GPR155: variants seen among roughly 807,000 people sequenced by gnomAD.
The protein encoded by GPR155 is lysosomal cholesterol signaling protein.
A neutral mutation model predicts 93.1 loss-of-function variants in GPR155; 65 were observed. The ratio of observed to expected loss-of-function variants is 0.70; its 90% CI spans 0.57 to 0.86. The LOEUF is 0.86. Among genes scored for constraint, GPR155 ranks in the 40% least tolerant of loss-of-function variants. GPR155 has a pLI of 0.00. For synonymous variants in GPR155, 319 were observed against 360.1 expected, an observed-to-expected ratio of 0.89 and a Z score of 1.29; for missense variants, 838 against 1,034.8, an observed-to-expected ratio of 0.81 and a Z score of 2.61.
At chr2:174,447,797 G>C (rs976169711) in intron 11 of GPR155, among the ~76,000 whole-genome samples, 1 of 147,736 alleles carries the variant, frequency 6.8e-6, no homozygotes, top group East Asian at 1.9e-4. Context: ...GACTACTAGA[G>C]GTGAGGAGGG....
rs59055819 is a variant in GPR155, at chr2:174,435,461, A to T, written c.*655T>A. ...ATGCAAATACTACACCATTTTATTA[A>T]TTATTTTATTTTATTTTATTTTATT... On this transcript the variant is annotated 3_prime_UTR_variant, in exon 16 of 16. Transcript: ENST00000392552. 6 of 148,416 alleles carry T rather than the reference A, an allele frequency of 4.0e-5. No homozygotes were observed. Among genetic ancestry groups the T allele is most frequent in the African/African-American group, 1.5e-4 (6 of 40,194 alleles). 9.2% of individuals were successfully genotyped at this position (148,416 alleles called of 1,614,324 possible).
rs1686767552 is a variant in GPR155, at chr2:174,436,030, T to C, written c.*86A>G. ...AACTGAGGCTCAGAGAGGTTGCCTC[T>C]GTTAACTTGCCCAAGGTCACCCAGC... On this transcript the variant is annotated 3_prime_UTR_variant, in exon 16 of 16. Transcript: ENST00000392552. 2 of 1,112,132 alleles carry C rather than the reference T, an allele frequency of 1.8e-6. No individual in the cohort carries two copies. The highest frequency in any genetic ancestry group is 4.0e-5 in the Admixed American group (2 of 49,434). 68.9% of individuals were successfully genotyped at this position (1,112,132 alleles called of 1,614,324 possible). A position where few individuals can be genotyped will look rare whatever the true frequency, so the allele number is the denominator to read the frequency against.
intron 11 of GPR155, among the ~76,000 whole-genome samples, chr2:174,447,205 C>T (rs112064166): frequency 2.6e-5 from 4 of 151,116 alleles, no homozygotes; most frequent in African/African-American, 7.3e-5. Context: ...GGTGTGGTGG[C>T]GGGCACCCGT....
Position 174,486,493 on chromosome 2 carries a change from C to A in GPR155, c.-32+380G>T, listed in dbSNP as rs376665134. 3.3e-5 allele frequency among the ~76,000 whole-genome samples: 5 copies of A among 152,308 alleles called. 1 individual carries two copies. The highest frequency in any genetic ancestry group is 1.2e-4 in the African/African-American group (5 of 41,570). The stretch of plus-strand genomic sequence containing the variant: ...AACGGGTAAGGGAGAAAATTTGGCG[C>A]AGTGCTCCAGGTGCCTGGGCAGAAG... On this transcript the variant is annotated intron_variant, in intron 1 of 15. Transcript: ENST00000392552.
chr2:174,486,519 C>A (rs997391601), intron 1 of GPR155, among the ~76,000 whole-genome samples: 17 of 152,188 alleles, frequency 1.1e-4, no homozygotes, highest in Admixed American at 2.0e-4. Context: ...TGGGCAGAAG[C>A]CTTCGGAAGG....
intron 1 of GPR155, among the ~76,000 whole-genome samples, chr2:174,482,365 G>T (rs1688351180): frequency 6.6e-6 from 1 of 152,052 alleles, no homozygotes. Context: ...GGTGGATAAG[G>T]GCATCGGGCA....
chr2:174,438,958 C>G (rs1686872909), intron 15 of GPR155, among the ~76,000 whole-genome samples: 1 of 152,192 alleles, frequency 6.6e-6, no homozygotes, highest in Non-Finnish European at 1.5e-5. Flanking sequence ...TCTAATTCAA[C>G]AATCCCAAGA....
At chr2:174,482,098 C>G in intron 1 of GPR155, 111 bp from the exon 2 acceptor site, 1 of 608,172 alleles carries the variant, frequency 1.6e-6, no homozygotes. Flanking sequence ...AATAAATATA[C>G]ATACCCCTAG....
intron 14 of GPR155, among the ~76,000 whole-genome samples, chr2:174,440,379 A>G (rs769996488): frequency 3.9e-5 from 6 of 152,208 alleles, no homozygotes; most frequent in Non-Finnish European, 5.9e-5. Context: ...GCAAAGATAA[A>G]TTAGAGATCA....
intron 15 of GPR155, among the ~76,000 whole-genome samples, chr2:174,437,010 G>A (rs1686805821): frequency 6.6e-6 from 1 of 152,204 alleles, no homozygotes; most frequent in Non-Finnish European, 1.5e-5. Context: ...AGCAAGGAAA[G>A]AATAAGTGAG....
chr2:174,441,847 A>G lies in GPR155; in HGVS notation c.2174+272T>C, dbSNP rs185881248. 3.1e-3 allele frequency among the ~76,000 whole-genome samples: 473 copies of G among 152,010 alleles called. 5 individuals are homozygous for G. The highest frequency in any genetic ancestry group is 0.011 in the African/African-American group (446 of 41,452). ...AACCTCTGCCTCCCAGGTTCAAGCC[A>G]TCCTCCTGCCTCAACCTCCTGAGTA... On this transcript the variant is annotated intron_variant, in intron 14 of 15. Coordinates refer to ENST00000392552, the MANE Select transcript of GPR155 (RefSeq NM_152529.7).
At chr2:174,448,523 GTTTTTTGTTTTTTTTTT>G (rs1687214915) in intron 11 of GPR155, among the ~76,000 whole-genome samples, 4 of 102,960 alleles carry the variant, frequency 3.9e-5, no homozygotes, top group African/African-American at 1.0e-4. Flanking sequence ...TTTGTTTTTT[GTTTTTTGTTTTTTTTTT>G]TTTTTTTTGA....
chr2:174,468,841 C>T, intron 5 of GPR155, 71 bp downstream of exon 5: 6 of 1,234,996 alleles, frequency 4.9e-6, no homozygotes, highest in East Asian at 2.4e-5. Context: ...TTTTTAAATC[C>T]CTTCTGTTAA....
At chr2:174,456,242 G>A (rs954947956) in intron 10 of GPR155, among the ~76,000 whole-genome samples, 2 of 151,976 alleles carry the variant, frequency 1.3e-5, no homozygotes, top group African/African-American at 4.8e-5. Flanking sequence ...AGTACAAAGG[G>A]TTCACATTAA....
intron 2 of GPR155, among the ~76,000 whole-genome samples, chr2:174,477,962 G>T (rs571142976): frequency 1.3e-5 from 2 of 152,194 alleles, no homozygotes; most frequent in South Asian, 4.1e-4. Flanking sequence ...TTATGTAATG[G>T]CATATAGTTA....
chr2:174,460,626 T>C (rs1198931209), intron 9 of GPR155, among the ~76,000 whole-genome samples: 1 of 152,194 alleles, frequency 6.6e-6, no homozygotes, highest in African/African-American at 2.4e-5. Context: ...CTTTCATGTA[T>C]AACAATTGGT....
Position 174,481,791 on chromosome 2 carries a change from C to A in GPR155, c.166G>T (p.Gly56Cys). 1 of 1,614,196 alleles carries A rather than the reference C, an allele frequency of 6.2e-7. No individual in the cohort carries two copies. The highest frequency in any genetic ancestry group is 8.5e-7 in the Non-Finnish European group (1 of 1,180,032). The change falls in exon 2 of 16, where the codon GGC becomes TGC. Residue 56 changes from glycine to cysteine, a missense_variant. By Grantham distance (159) the Gly-to-Cys change is radical. Transcript: ENST00000392552. ...LLECFGIVLC[G>C]YIAGRANVIT... ...ACATTGGCCCTTCCTGCTATGTAGCCACAAAGGACAATGCCAAAGCATTCC... is the reference window on the plus strand; with the variant it reads ...ACATTGGCCCTTCCTGCTATGTAGCAACAAAGGACAATGCCAAAGCATTCC...
chr2:174,486,609 C>T (rs2105748643), intron 1 of GPR155, among the ~76,000 whole-genome samples: 1 of 152,334 alleles, frequency 6.6e-6, no homozygotes, highest in East Asian at 1.9e-4. Context: ...TGAGGAGCTT[C>T]CCAAACTAGG....
Position 174,442,099 on chromosome 2 carries a change from T to C in GPR155, c.2174+20A>G. 8.7e-7 allele frequency: 1 copy of C among 1,148,472 alleles called. No homozygotes were observed. The highest frequency in any genetic ancestry group is 1.3e-6 in the Non-Finnish European group (1 of 757,106). 71.1% of individuals were successfully genotyped at this position (1,148,472 alleles called of 1,614,324 possible). On this transcript the variant is annotated intron_variant, in intron 14 of 15. Coordinates refer to ENST00000392552, the MANE Select transcript of GPR155 (RefSeq NM_152529.7). ...GTCATCACATTTACAGATACAGATT[T>C]ATTTCAAAACTTAATTTACCTTCTT...
Sources: allele counts gnomAD v4.1 joint callset (sites outside exome capture counted in the v4.1 genomes callset), GRCh38; gene constraint gnomAD v4.1.1; transcripts MANE v1.5; gene names NCBI Gene and HGNC (gene_info 2026-07-23, HGNC 2026-07-21).